The following TICAM2 variants were observed in gnomAD, a reference collection of about 807,000 sequenced individuals.
The protein encoded by TICAM2 is TIR domain-containing adapter molecule 2.
In TICAM2, 8 loss-of-function variants were observed where a neutral mutation model predicts 7.3. That is an observed-to-expected ratio of 1.10 (90% CI 0.65 to 1.99). The LOEUF is 1.99. TICAM2 is among the 30% of genes most tolerant of loss of function. The pLI is 0.00. For synonymous variants in TICAM2, 113 were observed against 99.6 expected, an observed-to-expected ratio of 1.13 and a Z score of -0.80; for missense variants, 304 against 278.8, an observed-to-expected ratio of 1.09 and a Z score of -0.65.
chr5:115,601,513 C>T (rs1483062632), intron 1 of TICAM2, among the ~76,000 whole-genome samples: 2 of 152,088 alleles, frequency 1.3e-5, no homozygotes, highest in Non-Finnish European at 2.9e-5. Flanking sequence ...TTTTTACCTC[C>T]AGATCATATA....
At chr5:115,592,479 T>C (rs1214895368) in intron 1 of TICAM2, among the ~76,000 whole-genome samples, 1 of 152,226 alleles carries the variant, frequency 6.6e-6, no homozygotes, top group Admixed American at 6.5e-5. Context: ...CAGCACCCAC[T>C]AGCTATTCTT....
Position 115,580,302 on chromosome 5 carries a change from C to A in TICAM2, c.*247G>T, listed in dbSNP as rs1437508382. The A allele has an allele frequency of 1.4e-5, 6 of 425,234 alleles. No individual in the cohort carries two copies. The highest frequency in any genetic ancestry group is 6.5e-4 in the Middle Eastern group (1 of 1,536). 26.3% of individuals were successfully genotyped at this position (425,234 alleles called of 1,614,324 possible). A position where few individuals can be genotyped will look rare whatever the true frequency, so the allele number is the denominator to read the frequency against. On this transcript the variant is annotated 3_prime_UTR_variant, in exon 2 of 2. Coordinates refer to ENST00000427199, the MANE Select transcript of TICAM2 (RefSeq NM_021649.7). ...TGGATTGAGAATTCCTTTTTCATATCCATGAACTAGGAAAATTGTGAAAGA... is the reference window on the plus strand; with the variant it reads ...TGGATTGAGAATTCCTTTTTCATATACATGAACTAGGAAAATTGTGAAAGA...
At chr5:115,584,617 T>G (rs1580406887) in intron 1 of TICAM2, among the ~76,000 whole-genome samples, 3 of 152,308 alleles carry the variant, frequency 2.0e-5, no homozygotes, top group Admixed American at 6.5e-5. Context: ...TTAAAAAAAC[T>G]TATAACTTGA....
At position 115,580,757 on chromosome 5, in the gene TICAM2, T is replaced by A; in HGVS notation, c.500A>T (p.Tyr167Phe). 2 of 1,600,406 alleles carry A rather than the reference T, an allele frequency of 1.2e-6. No homozygotes were observed. ...LMNSVNRQHK[Y>F]NSVIPMRPLN... is the part of the protein sequence containing the mutation. ...GGGCCGCATGGGTATAACAGAGTTG[T>A]ATTTATGCTGCCTGTTAACGGAGTT... The change falls in exon 2 of 2, where the codon TAC becomes TTC. Residue 167 changes from tyrosine to phenylalanine, a missense_variant. Physicochemically the swap from Tyr to Phe is conservative, Grantham distance 22 (BLOSUM62 3). Transcript: ENST00000427199.
rs7705473 is a variant in TICAM2 at position 115,580,654 on chromosome 5, T to G, written c.603A>C (p.Gly201=). 1.9e-3 allele frequency: 3,070 copies of G among 1,581,164 alleles called. 51 individuals are homozygous for G. In the African/African-American group the frequency reaches 0.036, roughly 19 times the overall value. The change falls in exon 2 of 2, where the codon GGA becomes GGC. Residue 201 remains glycine (G), a synonymous_variant. Transcript: ENST00000427199. ...AAATTCTTTCTACTTGTGTAGGAAA[T>G]CCACGACTTTCTTCCTCTAAGGCAT... The part of the protein sequence containing the change: ...TINALEEESR[G]FPTQVERIFQ...
chr5:115,584,145 A>G (rs1045967737), intron 1 of TICAM2, among the ~76,000 whole-genome samples: 3 of 152,074 alleles, frequency 2.0e-5, no homozygotes, highest in Non-Finnish European at 4.4e-5. Context: ...CTCTATGAAT[A>G]TATATTCTTA....
chr5:115,590,897 G>GTC (rs548522688), intron 1 of TICAM2, among the ~76,000 whole-genome samples: 9 of 151,980 alleles, frequency 5.9e-5, no homozygotes, highest in African/African-American at 1.9e-4. Context: ...TCATGTGTCA[G>GTC]TCTCTCTCTC....
At position 115,597,668 on chromosome 5, in the gene TICAM2, C is replaced by T. The variant is rs1219065418; in HGVS notation, c.-60+4429G>A. On this transcript the variant is annotated intron_variant, in intron 1 of 1. Transcript: ENST00000427199. Reference sequence around the variant, plus strand: ...AAAATAGATTAGAAAGAAGTACTGTCGTCTCTTGGTATACTTAAGGGTAGG... The same window carrying T: ...AAAATAGATTAGAAAGAAGTACTGTTGTCTCTTGGTATACTTAAGGGTAGG... Among the ~76,000 whole-genome samples, 4 of 152,178 alleles carry T rather than the reference C, an allele frequency of 2.6e-5. No individual in the cohort carries two copies. The East Asian group carries it at 5.8e-4, about 22-fold the overall frequency.
chr5:115,593,806 G>A (rs1209265399), intron 1 of TICAM2, among the ~76,000 whole-genome samples: 2 of 152,162 alleles, frequency 1.3e-5, no homozygotes, highest in African/African-American at 2.4e-5. Flanking sequence ...AGGTAATACA[G>A]CAAAATGTTA....
intron 1 of TICAM2, among the ~76,000 whole-genome samples, chr5:115,592,112 A>T (rs977413320): frequency 5.9e-5 from 9 of 152,248 alleles, no homozygotes; most frequent in African/African-American, 2.2e-4. Context: ...CTTTAACGTG[A>T]TGAAAGAAAA....
At chr5:115,584,874 C>T (rs1755048313) in intron 1 of TICAM2, among the ~76,000 whole-genome samples, 1 of 151,698 alleles carries the variant, frequency 6.6e-6, no homozygotes, top group Admixed American at 6.6e-5. Flanking sequence ...AAAAGAGGAC[C>T]CCAGTAGAAT....
chr5:115,597,367 A>G (rs1199138774), intron 1 of TICAM2, among the ~76,000 whole-genome samples: 1 of 152,200 alleles, frequency 6.6e-6, no homozygotes, highest in Non-Finnish European at 1.5e-5. Flanking sequence ...TATTATCATA[A>G]GAGATCTTGT....
chr5:115,581,421 T>C (rs1370324906), intron 1 of TICAM2, 106 bp from the exon 2 acceptor site: 2 of 1,257,828 alleles, frequency 1.6e-6, no homozygotes, highest in East Asian at 5.1e-5. Context: ...AATAGACAGA[T>C]CCAAATACAT....
chr5:115,595,422 CT>C (rs1394240810), intron 1 of TICAM2, among the ~76,000 whole-genome samples: 1 of 152,204 alleles, frequency 6.6e-6, no homozygotes, highest in Non-Finnish European at 1.5e-5. Flanking sequence ...ATATCTGTCT[CT>C]TTTCCCATTC....
chr5:115,593,036 AGGTG>A (rs944714775), intron 1 of TICAM2, among the ~76,000 whole-genome samples: 40 of 152,154 alleles, frequency 2.6e-4, no homozygotes, highest in African/African-American at 9.2e-4. Flanking sequence ...CCAGCTACTC[AGGTG>A]GGTGAGGCAA....
rs1755795381 is a variant in TICAM2 at position 115,602,283 on chromosome 5, GGACGCGC to G, written c.-253_-247del. 1 of 152,476 alleles carries G rather than the reference GGACGCGC, an allele frequency of 6.6e-6. No individual in the cohort carries two copies. Among genetic ancestry groups the G allele is most frequent in the Non-Finnish European group, 1.5e-5 (1 of 68,280 alleles). 9.4% of individuals were successfully genotyped at this position (152,476 alleles called of 1,614,324 possible). A position where few individuals can be genotyped will look rare whatever the true frequency, so the allele number is the denominator to read the frequency against. The stretch of plus-strand genomic sequence containing the variant: ...GCTCCCCACCGCGCTTGCAGAGCCC[GGACGCGC>G]GTGAGTCGGGGGCCCGCAGAGGCCT... On this transcript the variant is annotated 5_prime_UTR_variant, in exon 1 of 2. Coordinates refer to ENST00000427199, the MANE Select transcript of TICAM2 (RefSeq NM_021649.7).
At chr5:115,591,808 T>C (rs1301116700) in intron 1 of TICAM2, among the ~76,000 whole-genome samples, 1 of 152,074 alleles carries the variant, frequency 6.6e-6, no homozygotes, top group Non-Finnish European at 1.5e-5. Context: ...TTAGAAGGTG[T>C]AACAAATGTG....
chr5:115,587,550 C>T (rs1258284061), intron 1 of TICAM2, among the ~76,000 whole-genome samples: 1 of 152,044 alleles, frequency 6.6e-6, no homozygotes, highest in South Asian at 2.1e-4. Flanking sequence ...AAAGCAGAGC[C>T]CCAAACAGAT....
At chr5:115,591,194 G>C (rs1190876527) in intron 1 of TICAM2, among the ~76,000 whole-genome samples, 1 of 152,212 alleles carries the variant, frequency 6.6e-6, no homozygotes, top group African/African-American at 2.4e-5. Context: ...TTTCAGAAGA[G>C]GAAAGCTAGT....
Sources: gnomAD v4.1 joint callset for allele counts (sites outside exome capture counted in the v4.1 genomes callset) on GRCh38, gnomAD v4.1.1 for gene constraint, MANE v1.5 for transcripts, NCBI Gene and HGNC (gene_info 2026-07-23, HGNC 2026-07-21) for gene names.